WWC2: variants seen among roughly 807,000 people sequenced by gnomAD.
WWC2 encodes protein WWC2.
Under a neutral mutation model 138.5 loss-of-function variants are expected in WWC2, and 101 were observed. The ratio of observed to expected loss-of-function variants is 0.73; its 90% CI spans 0.62 to 0.86. The LOEUF (loss-of-function observed/expected upper bound fraction) is 0.86, where lower values mean the gene tolerates loss of function less well. Ranked by LOEUF, WWC2 falls within the 40% of genes least tolerant of loss-of-function variation. The pLI is 0.00. For synonymous variants in WWC2, 558 were observed against 538.4 expected (o/e 1.04, Z -0.50); for missense variants, 1,420 against 1,419.4 (o/e 1.00, Z -0.01).
At chr4:183,129,272 GT>G (rs1732849683) in intron 1 of WWC2, among the ~76,000 whole-genome samples, 1 of 152,052 alleles carries the variant, frequency 6.6e-6, no homozygotes, top group East Asian at 1.9e-4. Context: ...AGGAGAGAAT[GT>G]TTTTGGGGGA....
Position 183,317,885 on chromosome 4 carries a change from C to T in WWC2, c.*2156C>T, listed in dbSNP as rs541028320. The T allele has an allele frequency of 1.6e-3, 244 of 152,260 alleles. 2 individuals carry two copies. The highest frequency in any genetic ancestry group is 5.6e-3 in the African/African-American group (233 of 41,560). The allele number at this position is 152,260 out of a possible 1,614,324, so 9.4% of individuals were successfully genotyped here. A position where few individuals can be genotyped will look rare whatever the true frequency, so the allele number is the denominator to read the frequency against. On this transcript the variant is annotated 3_prime_UTR_variant, in exon 23 of 23. Coordinates refer to ENST00000403733, the MANE Select transcript of WWC2 (RefSeq NM_024949.6). ...AGATGCTTTTGGTTGTTGTATTTCACAAAATTTCCTCATTTCTAACATGAG... is the reference window on the plus strand; with the variant it reads ...AGATGCTTTTGGTTGTTGTATTTCATAAAATTTCCTCATTTCTAACATGAG...
chr4:183,213,023 A>C (rs1465678711), intron 4 of WWC2, among the ~76,000 whole-genome samples: 4 of 152,238 alleles, frequency 2.6e-5, no homozygotes, highest in Non-Finnish European at 5.9e-5. Context: ...ACATAACTAT[A>C]ATAAAAGATC....
At position 183,188,608 on chromosome 4, in the gene WWC2, A is replaced by G. The variant is rs565782209; in HGVS notation, c.132-4991A>G. ...TATCTAATATGATCTCTCTCTCTCT[A>G]TCTAATATGATCTCTCTCTCTCTCT... On this transcript the variant is annotated intron_variant, in intron 1 of 22. Transcript: ENST00000403733. Among the ~76,000 whole-genome samples, 50 of 132,612 alleles carry G rather than the reference A, an allele frequency of 3.8e-4. 1 individual carries two copies. The highest frequency in any genetic ancestry group is 8.5e-3 in the Middle Eastern group (2 of 236). The allele number at this position is 132,612 out of a possible 152,430, so 87.0% of individuals were successfully genotyped here. A position where few individuals can be genotyped will look rare whatever the true frequency, so the allele number is the denominator to read the frequency against.
intron 4 of WWC2, among the ~76,000 whole-genome samples, chr4:183,217,143 A>G (rs983456324): frequency 1.3e-5 from 2 of 152,242 alleles, no homozygotes; most frequent in Admixed American, 6.5e-5. Flanking sequence ...GTGCTAGAAC[A>G]AAGTCCAGGA....
At chr4:183,194,135 C>T (rs1466519036) in intron 2 of WWC2, among the ~76,000 whole-genome samples, 1 of 152,170 alleles carries the variant, frequency 6.6e-6, no homozygotes, top group Non-Finnish European at 1.5e-5. Flanking sequence ...TGGCCTGCAT[C>T]AGTGGCTCTG....
Position 183,135,055 on chromosome 4 carries a change from C to T in WWC2, c.131+35433C>T, listed in dbSNP as rs1351678288. Among the ~76,000 whole-genome samples, 4 of 152,006 alleles carry T rather than the reference C, an allele frequency of 2.6e-5. 2 individuals carry two copies. The South Asian group carries it at 8.3e-4, about 32-fold the overall frequency. On this transcript the variant is annotated intron_variant, in intron 1 of 22. Transcript: ENST00000403733. Reference sequence around the variant, plus strand: ...CAAGCGATTCTCCTGCCTCAGCTCCCGAGTAGCTGGGACTACAGGCGTGTG... The same window carrying T: ...CAAGCGATTCTCCTGCCTCAGCTCCTGAGTAGCTGGGACTACAGGCGTGTG...
Position 183,136,501 on chromosome 4 carries a change from C to T in WWC2, c.131+36879C>T, listed in dbSNP as rs543912781. 3.2e-4 allele frequency among the ~76,000 whole-genome samples: 49 copies of T among 152,180 alleles called. No individual in the cohort carries two copies. The East Asian group carries it at 8.9e-3, about 28-fold the overall frequency. ...TTAAGACTTTCCTGGAAACATAGTACGCATGCTTATTTTAGGGCCTGTGCT... is the reference window on the plus strand; with the variant it reads ...TTAAGACTTTCCTGGAAACATAGTATGCATGCTTATTTTAGGGCCTGTGCT... On this transcript the variant is annotated intron_variant, in intron 1 of 22. Coordinates refer to ENST00000403733, the MANE Select transcript of WWC2 (RefSeq NM_024949.6).
intron 4 of WWC2, among the ~76,000 whole-genome samples, chr4:183,229,427 C>A (rs547196249): frequency 6.6e-6 from 1 of 152,104 alleles, no homozygotes; most frequent in African/African-American, 2.4e-5. Flanking sequence ...GTACCTCTTT[C>A]TTCTTGAATT....
intron 1 of WWC2, among the ~76,000 whole-genome samples, chr4:183,140,305 G>T (rs1276299845): frequency 6.6e-6 from 1 of 152,198 alleles, no homozygotes; most frequent in Admixed American, 6.5e-5. Flanking sequence ...TGACCTTGGT[G>T]GTCCAACGTA....
chr4:183,218,400 G>C (rs1020488710), intron 4 of WWC2, among the ~76,000 whole-genome samples: 2 of 118,148 alleles, frequency 1.7e-5, no homozygotes, highest in Non-Finnish European at 3.8e-5. Context: ...ATAAGTATCT[G>C]TTTGAGTCTC....
intron 21 of WWC2, among the ~76,000 whole-genome samples, chr4:183,305,936 G>A (rs2111109758): frequency 6.6e-6 from 1 of 152,306 alleles, no homozygotes; most frequent in African/African-American, 2.4e-5. Flanking sequence ...ATACACGTGT[G>A]TGTATGCTTA....
At chr4:183,119,655 A>G (rs977432715) in intron 1 of WWC2, among the ~76,000 whole-genome samples, 1 of 152,228 alleles carries the variant, frequency 6.6e-6, no homozygotes, top group Non-Finnish European at 1.5e-5. Flanking sequence ...AAAACTAAAA[A>G]TGGACTTTTT....
At chr4:183,277,902 A>G (rs1160661787) in intron 16 of WWC2, among the ~76,000 whole-genome samples, 8 of 151,094 alleles carry the variant, frequency 5.3e-5, no homozygotes, top group East Asian at 1.9e-4. Context: ...AGTAGGTTGC[A>G]AAAATTTTCT....
intron 2 of WWC2, among the ~76,000 whole-genome samples, chr4:183,207,100 T>C (rs1256516320): frequency 6.6e-6 from 1 of 152,026 alleles, no homozygotes; most frequent in Non-Finnish European, 1.5e-5. Flanking sequence ...AGAACACTGG[T>C]TCTTGGGCTC....
chr4:183,275,052 T>C (rs1737805899), intron 16 of WWC2, among the ~76,000 whole-genome samples: 1 of 152,168 alleles, frequency 6.6e-6, no homozygotes, highest in South Asian at 2.1e-4. Context: ...GATGTTCCTG[T>C]TGAATAACCT....
chr4:183,280,667 G>A (rs1413572297), intron 16 of WWC2, 109 bp from the exon 17 acceptor site: 2 of 1,178,188 alleles, frequency 1.7e-6, no homozygotes, highest in Non-Finnish European at 2.3e-6. Flanking sequence ...TTTTCAGCAG[G>A]AGAGTTGAGT....
At chr4:183,106,929 A>G (rs984162717) in intron 1 of WWC2, among the ~76,000 whole-genome samples, 2 of 152,126 alleles carry the variant, frequency 1.3e-5, no homozygotes, top group African/African-American at 4.8e-5. Flanking sequence ...AGTTCTCTTC[A>G]GTATATACAT....
chr4:183,140,831 C>T (rs1024236519), intron 1 of WWC2, among the ~76,000 whole-genome samples: 1 of 152,080 alleles, frequency 6.6e-6, no homozygotes, highest in Non-Finnish European at 1.5e-5. Context: ...TACTCTAGGC[C>T]AGACACTCAA....
At chr4:183,117,246 A>G (rs1440875585) in intron 1 of WWC2, among the ~76,000 whole-genome samples, 35 of 95,200 alleles carry the variant, frequency 3.7e-4, no homozygotes, top group Admixed American at 3.0e-3. Context: ...TTTTTGATGG[A>G]GTCTTGCTCT....
Sources: gnomAD v4.1 joint callset for allele counts (sites outside exome capture counted in the v4.1 genomes callset) on GRCh38, gnomAD v4.1.1 for gene constraint, MANE v1.5 for transcripts, NCBI Gene and HGNC (gene_info 2026-07-23, HGNC 2026-07-21) for gene names.